ST8SIA5: variants seen among roughly 807,000 people sequenced by gnomAD.
ST8SIA5 encodes the protein ST8 alpha-N-acetyl-neuraminide alpha-2,8-sialyltransferase 5.
In ST8SIA5, 24 loss-of-function variants were observed where a neutral mutation model predicts 40.2. The ratio of observed to expected loss-of-function variants is 0.60; its 90% CI spans 0.43 to 0.84. The LOEUF is 0.84. ST8SIA5 is among the 40% of genes least tolerant of loss of function. The pLI is 0.00. For synonymous variants in ST8SIA5, 198 were observed against 201.8 expected (o/e 0.98, Z 0.16); for missense variants, 465 against 498.5 (o/e 0.93, Z 0.64).
intron 4 of ST8SIA5, among the ~76,000 whole-genome samples, chr18:46,686,623 A>G (rs552487255): frequency 6.6e-6 from 1 of 152,202 alleles, no homozygotes; most frequent in South Asian, 2.1e-4. Context: ...GTGGGGTCTC[A>G]TGGAGAGCCA....
intron 1 of ST8SIA5, among the ~76,000 whole-genome samples, chr18:46,745,801 G>T (rs903535931): frequency 5.3e-5 from 8 of 152,096 alleles, no homozygotes; most frequent in Non-Finnish European, 5.9e-5. Context: ...GATAAACATC[G>T]ATGCAAAAGT....
Position 46,672,437 on chromosome 18 carries a change from T to C in ST8SIA5, c.*7605A>G, listed in dbSNP as rs1224170494. 6.6e-6 allele frequency: 1 copy of C among 152,104 alleles called. No individual in the cohort carries two copies. The highest frequency in any genetic ancestry group is 1.5e-5 in the Non-Finnish European group (1 of 68,026). 9.4% of individuals were successfully genotyped at this position (152,104 alleles called of 1,614,324 possible). A position where few individuals can be genotyped will look rare whatever the true frequency, so the allele number is the denominator to read the frequency against. On this transcript the variant is annotated 3_prime_UTR_variant, in exon 7 of 7. Coordinates refer to ENST00000315087, the MANE Select transcript of ST8SIA5 (RefSeq NM_013305.6). ...TACACACAAGGTTGCAAATGGCAAT[T>C]CTAGAGAAAACAGAACTTTTACCCC...
chr18:46,740,073 TC>T (rs2040073456), intron 1 of ST8SIA5, among the ~76,000 whole-genome samples: 1 of 152,186 alleles, frequency 6.6e-6, no homozygotes, highest in Admixed American at 6.5e-5. Flanking sequence ...TACACTCTAA[TC>T]TCTGACTCAG....
chr18:46,734,631 G>A (rs1013583943), intron 1 of ST8SIA5, among the ~76,000 whole-genome samples: 1 of 152,148 alleles, frequency 6.6e-6, no homozygotes, highest in African/African-American at 2.4e-5. Context: ...AGGCAGGACT[G>A]GAGCCCCCAT....
intron 2 of ST8SIA5, among the ~76,000 whole-genome samples, chr18:46,704,010 A>G (rs2144500028): frequency 6.6e-6 from 1 of 152,292 alleles, no homozygotes; most frequent in South Asian, 2.1e-4. Flanking sequence ...TTAAATCTCC[A>G]TACATAGATT....
rs201726426 is a variant in ST8SIA5 at position 46,686,236 on chromosome 18, G to A, written c.507C>T (p.Asn169=). The change falls in exon 5 of 7, where the codon AAC becomes AAT. Residue 169 remains asparagine (N), a synonymous_variant. Coordinates refer to ENST00000315087, the MANE Select transcript of ST8SIA5 (RefSeq NM_013305.6). The stretch of plus-strand genomic sequence containing the variant: ...AGCGGCTGTTCTTCAAGATGCCTCC[G>A]TTGCCCACTACAGCACACTTCTTAA... ...SQFKKCAVVG[N]GGILKNSRCG... is the part of the protein sequence containing the mutation. The A allele has an allele frequency of 2.5e-5, 40 of 1,614,158 alleles. No homozygotes were observed. The highest frequency in any genetic ancestry group is 4.0e-5 in the African/African-American group (3 of 75,028).
At position 46,704,561 on chromosome 18, in the gene ST8SIA5, G is replaced by C. The variant is rs769746250; in HGVS notation, c.224+11C>G. 1 of 1,613,020 alleles carries C rather than the reference G, an allele frequency of 6.2e-7. No individual in the cohort carries two copies. The highest frequency in any genetic ancestry group is 8.5e-7 in the Non-Finnish European group (1 of 1,179,500). On this transcript the variant is annotated intron_variant, in intron 2 of 6. Transcript: ENST00000315087. ...ATGCTCCCTGCACCCACCACAAATG[G>C]CCACACTCACATGGACAGCACCTTC... is the stretch of plus-strand genomic sequence containing the variant.
In ST8SIA5 at chr18:46,756,610, G is replaced by C; in HGVS notation, c.-102C>G. The C allele has an allele frequency of 7.3e-7, 1 of 1,366,118 alleles. No individual in the cohort carries two copies. Among genetic ancestry groups the C allele is most frequent in the Non-Finnish European group, 9.8e-7 (1 of 1,020,282 alleles). The allele number at this position is 1,366,118 out of a possible 1,614,324, so 84.6% of individuals were successfully genotyped here. ...GCGCGCGGCCGACTTGGCGCCTCAC[G>C]GTGCGGTCAGGCAGGCGGGGGACTT... is the stretch of plus-strand genomic sequence containing the variant. On this transcript the variant is annotated 5_prime_UTR_variant, in exon 1 of 7. Transcript: ENST00000315087.
chr18:46,719,057 G>T (rs2039824412), intron 1 of ST8SIA5, among the ~76,000 whole-genome samples: 1 of 152,146 alleles, frequency 6.6e-6, no homozygotes, highest in Non-Finnish European at 1.5e-5. Context: ...CAACTAGGGG[G>T]GTACTTCGGG....
intron 1 of ST8SIA5, among the ~76,000 whole-genome samples, chr18:46,746,236 G>A (rs563280025): frequency 6.6e-6 from 1 of 152,256 alleles, no homozygotes; most frequent in East Asian, 1.9e-4. Context: ...GCAAGAGAAA[G>A]AAATAAAGGG....
intron 6 of ST8SIA5, 109 bp from the exon 7 acceptor site, chr18:46,680,619 A>C: frequency 8.8e-7 from 1 of 1,138,720 alleles, no homozygotes; most frequent in Non-Finnish European, 1.2e-6. Flanking sequence ...AGGGACTCAT[A>C]AGGCCACCTG....
intron 1 of ST8SIA5, among the ~76,000 whole-genome samples, chr18:46,711,998 C>A (rs992335072): frequency 3.9e-5 from 6 of 152,194 alleles, no homozygotes; most frequent in Admixed American, 6.5e-5. Flanking sequence ...GCACCTCACA[C>A]CAAGCCTGAG....
intron 1 of ST8SIA5, among the ~76,000 whole-genome samples, chr18:46,708,391 C>T (rs1480520332): frequency 1.3e-5 from 2 of 152,202 alleles, no homozygotes; most frequent in Non-Finnish European, 2.9e-5. Context: ...ATCACCTCAT[C>T]TCACTGAGGC....
chr18:46,687,627 T>C (rs913065358), intron 4 of ST8SIA5, among the ~76,000 whole-genome samples: 7 of 152,072 alleles, frequency 4.6e-5, no homozygotes, highest in Admixed American at 2.0e-4. Flanking sequence ...GAGAACACAT[T>C]TGACGCCGCT....
chr18:46,731,069 T>C (rs2039980803), intron 1 of ST8SIA5, among the ~76,000 whole-genome samples: 1 of 152,242 alleles, frequency 6.6e-6, no homozygotes, highest in African/African-American at 2.4e-5. Context: ...CAAATGGCTC[T>C]GTCAACTACG....
intron 1 of ST8SIA5, among the ~76,000 whole-genome samples, chr18:46,728,812 T>C (rs2039957653): frequency 6.6e-6 from 1 of 152,176 alleles, no homozygotes; most frequent in Non-Finnish European, 1.5e-5. Context: ...AGCTGCTTCC[T>C]AGATGGTCTC....
intron 1 of ST8SIA5, among the ~76,000 whole-genome samples, chr18:46,735,442 A>C (rs949612829): frequency 6.6e-6 from 1 of 152,232 alleles, no homozygotes; most frequent in African/African-American, 2.4e-5. Context: ...TCACATATAT[A>C]ATTTTAAATT....
chr18:46,701,992 T>C (rs984781166), intron 2 of ST8SIA5, among the ~76,000 whole-genome samples: 3 of 151,840 alleles, frequency 2.0e-5, no homozygotes, highest in African/African-American at 7.3e-5. Context: ...ACTAAAAATA[T>C]AAAAACTAGC....
chr18:46,752,510 A>C (rs140633589), intron 1 of ST8SIA5, among the ~76,000 whole-genome samples: 1 of 152,304 alleles, frequency 6.6e-6, no homozygotes, highest in African/African-American at 2.4e-5. Flanking sequence ...TGCTTTCTCC[A>C]TTAGAGACAC....
Sources: gnomAD v4.1 joint callset for allele counts (sites outside exome capture counted in the v4.1 genomes callset) on GRCh38, gnomAD v4.1.1 for gene constraint, MANE v1.5 for transcripts, NCBI Gene and HGNC (gene_info 2026-07-23, HGNC 2026-07-21) for gene names.